PTPN3: variants seen among roughly 807,000 people sequenced by gnomAD.
PTPN3 encodes the protein tyrosine-protein phosphatase non-receptor type 3.
A neutral mutation model predicts 132.7 loss-of-function variants in PTPN3; 96 were observed. The observed-to-expected ratio is 0.72, with a 90% CI of 0.61 to 0.86. The LOEUF is 0.86. Ranked by LOEUF, PTPN3 falls within the 40% of genes least tolerant of loss-of-function variation. PTPN3 has a pLI of 0.00. For synonymous variants in PTPN3, 398 were observed against 429.0 expected (o/e 0.93, Z 0.89); for missense variants, 1,125 against 1,159.6 (o/e 0.97, Z 0.43).
rs1588439402 is a variant in PTPN3, at chr9:109,445,161, G to C, written c.466+79C>G. On this transcript the variant is annotated intron_variant, in intron 7 of 25. Coordinates refer to ENST00000374541, the MANE Select transcript of PTPN3 (RefSeq NM_002829.4). ...TCCTGGGGAAGAGGGACTTGGTCAA[G>C]CAGGAGGAACCAGTGACTTTCTCCA... The C allele has an allele frequency of 3.5e-6, 5 of 1,434,906 alleles. No homozygotes were observed. The East Asian group carries it at 1.1e-4, about 33-fold the overall frequency. 88.9% of individuals were successfully genotyped at this position (1,434,906 alleles called of 1,614,324 possible). A position where few individuals can be genotyped will look rare whatever the true frequency, so the allele number is the denominator to read the frequency against.
At chr9:109,479,194 A>G (rs1184607764) in intron 1 of PTPN3, among the ~76,000 whole-genome samples, 3 of 149,740 alleles carry the variant, frequency 2.0e-5, no homozygotes, top group African/African-American at 7.4e-5. Context: ...CTCCCCATTC[A>G]CCCCTCCTCC....
intron 8 of PTPN3, 48 bp from the exon 9 acceptor site, chr9:109,437,018 C>A: frequency 6.2e-7 from 1 of 1,608,230 alleles, no homozygotes; most frequent in Non-Finnish European, 8.5e-7. Flanking sequence ...AAAGAGAGGG[C>A]ATTAACTCCA....
intron 1 of PTPN3, among the ~76,000 whole-genome samples, chr9:109,475,360 TACC>T (rs997042527): frequency 7.9e-5 from 12 of 152,226 alleles, no homozygotes; most frequent in Non-Finnish European, 1.3e-4. Context: ...TCTAAATGAA[TACC>T]TCATTCTTGG....
intron 1 of PTPN3, among the ~76,000 whole-genome samples, chr9:109,488,347 G>A (rs955391465): frequency 6.6e-6 from 1 of 152,014 alleles, no homozygotes; most frequent in African/African-American, 2.4e-5. Flanking sequence ...TGATCCACCC[G>A]CCTCTGCCTC....
intron 18 of PTPN3, among the ~76,000 whole-genome samples, chr9:109,405,014 C>T (rs1403474151): frequency 6.6e-6 from 1 of 152,212 alleles, no homozygotes. Flanking sequence ...GGCATTTCCT[C>T]AGGCATGAGG....
At chr9:109,441,544 C>G (rs914914544) in intron 7 of PTPN3, among the ~76,000 whole-genome samples, 1 of 152,192 alleles carries the variant, frequency 6.6e-6, no homozygotes, top group African/African-American at 2.4e-5. Context: ...AGGCTGTAGA[C>G]TCCTTGGGGA....
upstream of PTPN3, among the ~76,000 whole-genome samples, chr9:109,499,554 G>C (rs1332695987): frequency 1.4e-5 from 2 of 143,220 alleles, no homozygotes; most frequent in Non-Finnish European, 3.1e-5. Flanking sequence ...CTTTACTGCA[G>C]TGACCCCCCT....
At chr9:109,531,110 G>A in the PTPN3 span, among the ~76,000 whole-genome samples, 1 of 152,094 alleles carries the variant, frequency 6.6e-6, no homozygotes, top group Non-Finnish European at 1.5e-5. Flanking sequence ...TGTTGCCTGT[G>A]CCTTTTATGT....
intron 25 of PTPN3, among the ~76,000 whole-genome samples, chr9:109,379,897 T>G (rs112826496): frequency 0.017 from 2,602 of 152,204 alleles, 67 homozygotes; most frequent in African/African-American, 0.06. Flanking sequence ...CAAAAGTCCC[T>G]GCGGGACAGC....
intron 19 of PTPN3, among the ~76,000 whole-genome samples, chr9:109,391,870 T>TGG (rs367927103): frequency 0.044 from 1,273 of 29,234 alleles, 55 homozygotes; most frequent in African/African-American, 0.051. Context: ...CAACTAGATG[T>TGG]GGGGGGGGGG....
At chr9:109,394,910 C>T (rs1047199061) in intron 19 of PTPN3, among the ~76,000 whole-genome samples, 2 of 151,812 alleles carry the variant, frequency 1.3e-5, no homozygotes, top group Admixed American at 1.3e-4. Flanking sequence ...GAGGCTGAGG[C>T]GGGCAGATCA....
chr9:109,478,210 G>A (rs545726389), intron 1 of PTPN3, among the ~76,000 whole-genome samples: 4 of 152,238 alleles, frequency 2.6e-5, no homozygotes, highest in African/African-American at 4.8e-5. Context: ...TACAAAGGGC[G>A]TGGACTCTGA....
At chr9:109,475,614 C>T (rs1846619223) in intron 1 of PTPN3, among the ~76,000 whole-genome samples, 1 of 152,188 alleles carries the variant, frequency 6.6e-6, no homozygotes, top group Non-Finnish European at 1.5e-5. Context: ...GTTGCATAAA[C>T]CTTACAAAAA....
intron 1 of PTPN3, among the ~76,000 whole-genome samples, chr9:109,464,927 G>A (rs1011194583): frequency 1.3e-5 from 2 of 152,144 alleles, no homozygotes; most frequent in African/African-American, 4.8e-5. Flanking sequence ...GTGTAGTGAG[G>A]GGAAGGGGGA....
Position 109,453,561 on chromosome 9 carries a change from A to G in PTPN3, c.368+935T>C, listed in dbSNP as rs563886942. Among the ~76,000 whole-genome samples the G allele has an allele frequency of 3.2e-4, 48 of 152,146 alleles. No homozygotes were observed. In the South Asian group the frequency reaches 9.6e-3, roughly 30 times the overall value. On this transcript the variant is annotated intron_variant, in intron 5 of 25. Coordinates refer to ENST00000374541, the MANE Select transcript of PTPN3 (RefSeq NM_002829.4). The stretch of plus-strand genomic sequence containing the variant: ...CCCAGTACCAGCCCAGGGTTGGGAG[A>G]GACTCCAAGCCCTGAGGGGTAAACA...
intron 7 of PTPN3, among the ~76,000 whole-genome samples, chr9:109,442,299 C>T (rs894513629): frequency 1.3e-5 from 2 of 152,190 alleles, no homozygotes; most frequent in Admixed American, 1.3e-4. Context: ...CCGCCTGCCT[C>T]AGCCTCCCAA....
At chr9:109,533,643 C>T in the PTPN3 span, 1 of 1,498,002 alleles carries the variant, frequency 6.7e-7, no homozygotes, top group Non-Finnish European at 9.2e-7. Context: ...ACTGATCTAC[C>T]TTGTTTTCCT....
chr9:109,464,021 C>T (rs1368815661), intron 1 of PTPN3, among the ~76,000 whole-genome samples: 4 of 152,022 alleles, frequency 2.6e-5, no homozygotes, highest in African/African-American at 9.7e-5. Context: ...AGGAAGAAAA[C>T]AAAAACAGGT....
intron 7 of PTPN3, among the ~76,000 whole-genome samples, chr9:109,441,789 T>C (rs1020210206): frequency 9.9e-5 from 15 of 152,026 alleles, no homozygotes; most frequent in Non-Finnish European, 2.1e-4. Context: ...TTGCTCAGGC[T>C]GGTGTGCAGT....
Sources: allele counts gnomAD v4.1 joint callset (sites outside exome capture counted in the v4.1 genomes callset), GRCh38; gene constraint gnomAD v4.1.1; transcripts MANE v1.5; gene names NCBI Gene and HGNC (gene_info 2026-07-23, HGNC 2026-07-21).